CACNB4: variants seen among roughly 807,000 people sequenced by gnomAD.
The protein encoded by CACNB4 is calcium voltage-gated channel auxiliary subunit beta 4.
CACNB4 carries 32 observed loss-of-function variants against 71.2 expected under a neutral mutation model. That is an observed-to-expected ratio of 0.45 (90% CI 0.34 to 0.60). The LOEUF (loss-of-function observed/expected upper bound fraction) is 0.60. CACNB4 is among the 20% of genes least tolerant of loss of function. The pLI, the probability that CACNB4 is intolerant of heterozygous loss-of-function variation, is 0.01. For synonymous variants in CACNB4, 231 were observed against 236.9 expected (o/e 0.97, Z 0.23); for missense variants, 464 against 647.9 (o/e 0.72, Z 3.08).
At chr2:152,077,051 G>C (rs958956939) in intron 2 of CACNB4, among the ~76,000 whole-genome samples, 2 of 152,328 alleles carry the variant, frequency 1.3e-5, no homozygotes, top group Middle Eastern at 3.4e-3. Context: ...GCCATCTAGA[G>C]AGCTCAGGAA....
chr2:152,078,565 A>G (rs1233941500), intron 2 of CACNB4, among the ~76,000 whole-genome samples: 3 of 152,236 alleles, frequency 2.0e-5, no homozygotes, highest in East Asian at 3.8e-4. Flanking sequence ...TTGAAGCTAG[A>G]TGTCGCCTCA....
In CACNB4 at chr2:151,838,855, T is replaced by A. The variant is rs1490262389; in HGVS notation, c.*264A>T. 1 of 270,244 alleles carries A rather than the reference T, an allele frequency of 3.7e-6. No individual in the cohort carries two copies. The highest frequency in any genetic ancestry group is 2.2e-5 in the African/African-American group (1 of 45,592). 16.7% of individuals were successfully genotyped at this position (270,244 alleles called of 1,614,324 possible). A position where few individuals can be genotyped will look rare whatever the true frequency, so the allele number is the denominator to read the frequency against. ...AAGTACCCTAAATTACAAATTGATG[T>A]GTCTAAATCTATGAAGAAAACAAAA... On this transcript the variant is annotated 3_prime_UTR_variant, in exon 14 of 14. Coordinates refer to ENST00000539935, the MANE Select transcript of CACNB4 (RefSeq NM_000726.5).
chr2:152,035,628 TCC>T lies in CACNB4; in HGVS notation c.147+62700_147+62701del, dbSNP rs1491582111. On this transcript the variant is annotated intron_variant, in intron 2 of 13. Coordinates refer to ENST00000539935, the MANE Select transcript of CACNB4 (RefSeq NM_000726.5). ...TTCTCTCTCTCTCTCTCCCTCCCTC[TCC>T]CTCTCTCTCTCTCTCTCTCTCTATA... Among the ~76,000 whole-genome samples, 489 of 84,614 alleles carry T rather than the reference TCC, an allele frequency of 5.8e-3. 1 individual carries two copies. Among genetic ancestry groups the T allele is most frequent in the Non-Finnish European group, 6.9e-3 (319 of 46,084 alleles). 55.5% of individuals were successfully genotyped at this position (84,614 alleles called of 152,430 possible).
At position 151,973,771 on chromosome 2, in the gene CACNB4, C is replaced by A. The variant is rs957373880; in HGVS notation, c.148-90401G>T. The stretch of plus-strand genomic sequence containing the variant: ...GGCAAAAACAAAATTGCTGCAGAAA[C>A]CACAGCTACAGCTTAAAGAGAAAAG... On this transcript the variant is annotated intron_variant, in intron 2 of 13. Coordinates refer to ENST00000539935, the MANE Select transcript of CACNB4 (RefSeq NM_000726.5). The A allele has an allele frequency of 3.1e-6, 5 of 1,591,632 alleles. No individual in the cohort carries two copies. In the Admixed American group the frequency reaches 8.9e-5, roughly 28 times the overall value.
intron 2 of CACNB4, among the ~76,000 whole-genome samples, chr2:151,957,301 T>TGC (rs70974811): frequency 6.6e-6 from 1 of 151,108 alleles, no homozygotes; most frequent in Non-Finnish European, 1.5e-5. Flanking sequence ...TGTGTGTGTG[T>TGC]CCCTTGGGAA....
intron 2 of CACNB4, among the ~76,000 whole-genome samples, chr2:151,895,096 C>CCCCA (rs762464510): frequency 0.014 from 304 of 22,334 alleles, 9 homozygotes; most frequent in Middle Eastern, 0.087. Flanking sequence ...TCAAATAGCC[C>CCCCA]CACACACACA....
intron 2 of CACNB4, among the ~76,000 whole-genome samples, chr2:152,078,401 G>A (rs541660563): frequency 3.3e-5 from 5 of 152,272 alleles, no homozygotes; most frequent in Middle Eastern, 3.4e-3. Flanking sequence ...ATGCTTCTAC[G>A]TGAAAACCAA....
At chr2:151,886,008 T>C (rs981773875) in intron 2 of CACNB4, among the ~76,000 whole-genome samples, 2 of 152,186 alleles carry the variant, frequency 1.3e-5, no homozygotes, top group African/African-American at 4.8e-5. Context: ...AGAGAGGGCC[T>C]TGTCATGTTG....
At chr2:152,060,811 A>G (rs1311579220) in intron 2 of CACNB4, among the ~76,000 whole-genome samples, 1 of 152,256 alleles carries the variant, frequency 6.6e-6, no homozygotes, top group Non-Finnish European at 1.5e-5. Flanking sequence ...ACAGTCTTAT[A>G]TGAAAATATC....
chr2:151,955,386 A>T (rs1218193719), intron 2 of CACNB4, among the ~76,000 whole-genome samples: 1 of 152,166 alleles, frequency 6.6e-6, no homozygotes, highest in Non-Finnish European at 1.5e-5. Flanking sequence ...GCATAGTTGG[A>T]GTTGAGGGAA....
rs144532902 is a variant in CACNB4 at position 152,064,933 on chromosome 2, G to C, written c.147+33397C>G. Among the ~76,000 whole-genome samples, 13 of 152,264 alleles carry C rather than the reference G, an allele frequency of 8.5e-5. No individual in the cohort carries two copies. The East Asian group carries it at 2.3e-3, about 27-fold the overall frequency. ...CCCAATATTAAATCCAGAGAAGCTT[G>C]ACCCTTGAGTTCACAATCAGCTGCT... On this transcript the variant is annotated intron_variant, in intron 2 of 13. Transcript: ENST00000539935.
intron 2 of CACNB4, among the ~76,000 whole-genome samples, chr2:152,075,855 G>A (rs1297397364): frequency 6.6e-6 from 1 of 152,216 alleles, no homozygotes; most frequent in Non-Finnish European, 1.5e-5. Flanking sequence ...GCCAAAGTCA[G>A]TGCTGCCCAC....
intron 2 of CACNB4, among the ~76,000 whole-genome samples, chr2:151,954,183 C>T (rs2099867628): frequency 6.6e-6 from 1 of 152,218 alleles, no homozygotes; most frequent in Admixed American, 6.5e-5. Flanking sequence ...TCTGCCTCTC[C>T]AACCTTCAGC....
At chr2:151,978,743 G>C (rs1048508216) in intron 2 of CACNB4, among the ~76,000 whole-genome samples, 5 of 152,074 alleles carry the variant, frequency 3.3e-5, no homozygotes, top group Non-Finnish European at 5.9e-5. Context: ...CTCTAGGGTG[G>C]GATTGCTAAA....
intron 2 of CACNB4, among the ~76,000 whole-genome samples, chr2:151,949,483 T>A (rs1239167334): frequency 4.8e-5 from 1 of 20,918 alleles, no homozygotes; most frequent in Non-Finnish European, 2.4e-4. Flanking sequence ...ATGGAACAGT[T>A]AGTTCGTAGC....
At chr2:151,976,253 G>T (rs1214690884) in intron 2 of CACNB4, among the ~76,000 whole-genome samples, 1 of 152,190 alleles carries the variant, frequency 6.6e-6, no homozygotes, top group Non-Finnish European at 1.5e-5. Flanking sequence ...ATCATAAACT[G>T]TAAGAGGTGG....
At position 152,099,038 on chromosome 2, in the gene CACNB4, C is replaced by A. The variant is rs770619612; in HGVS notation, c.-27G>T. The A allele has an allele frequency of 1.3e-6, 2 of 1,499,210 alleles. No homozygotes were observed. Among genetic ancestry groups the A allele is most frequent in the Non-Finnish European group, 1.8e-6 (2 of 1,125,842 alleles). The allele number at this position is 1,499,210 out of a possible 1,614,324, so 92.9% of individuals were successfully genotyped here. ...GTTCAGAGCCGCCGCATGGCCAGCC[C>A]GTGTGCGGTGGGCGGAGGGGGCTGG... On this transcript the variant is annotated 5_prime_UTR_variant, in exon 1 of 14. Coordinates refer to ENST00000539935, the MANE Select transcript of CACNB4 (RefSeq NM_000726.5).
At chr2:151,993,330 G>T (rs1019869797) in intron 2 of CACNB4, among the ~76,000 whole-genome samples, 1 of 152,066 alleles carries the variant, frequency 6.6e-6, no homozygotes, top group Non-Finnish European at 1.5e-5. Context: ...TCAGGGACAG[G>T]AAATAGGAGC....
chr2:152,001,112 G>A (rs538736198), intron 2 of CACNB4, among the ~76,000 whole-genome samples: 1 of 152,282 alleles, frequency 6.6e-6, no homozygotes, highest in East Asian at 1.9e-4. Context: ...AGATTAAGAG[G>A]CTGAGCTACC....
Sources: allele counts gnomAD v4.1 joint callset (sites outside exome capture counted in the v4.1 genomes callset), GRCh38; gene constraint gnomAD v4.1.1; transcripts MANE v1.5; gene names NCBI Gene and HGNC (gene_info 2026-07-23, HGNC 2026-07-21).